MELK: variants seen among roughly 807,000 people sequenced by gnomAD.
MELK encodes the protein maternal embryonic leucine zipper kinase.
MELK carries 81 observed loss-of-function variants against 85.0 expected under a neutral mutation model. The observed-to-expected ratio is 0.95, with a 90% confidence interval of 0.80 to 1.15. The LOEUF (loss-of-function observed/expected upper bound fraction) is 1.15, where lower values mean the gene tolerates loss of function less well. Among genes scored for constraint, MELK ranks in the 50% most tolerant of loss-of-function variants. The pLI, the probability that MELK is intolerant of heterozygous loss-of-function variation, is 0.00. For missense variants in MELK, 754 were observed against 777.5 expected, an observed-to-expected ratio of 0.97 and a Z score of 0.36; for synonymous variants, 252 against 265.0, an observed-to-expected ratio of 0.95 and a Z score of 0.48.
In MELK at chr9:36,660,376, G is replaced by GGA. The variant is rs1282585398; in HGVS notation, c.1176+3014_1176+3015insAG. On this transcript the variant is annotated intron_variant, in intron 13 of 17. Transcript: ENST00000298048. ...TCCGTCAACCAGGCTGGAGTCCAGTGGTGTGATCATGGCTCACTGCAGCCT... is the reference window on the plus strand; with the variant it reads ...TCCGTCAACCAGGCTGGAGTCCAGTGGAGTGTGATCATGGCTCACTGCAGCCT... Among the ~76,000 whole-genome samples, 381 of 151,862 alleles carry GGA rather than the reference G, an allele frequency of 2.5e-3. 1 individual carries two copies. The highest frequency in any genetic ancestry group is 8.5e-3 in the African/African-American group (353 of 41,436).
intron 13 of MELK, among the ~76,000 whole-genome samples, chr9:36,663,523 C>T (rs1444263052): frequency 1.3e-5 from 2 of 152,150 alleles, no homozygotes; most frequent in Non-Finnish European, 2.9e-5. Context: ...ATCACCAACC[C>T]CCTTCCATCT....
Position 36,596,580 on chromosome 9 carries a change from TG to T in MELK, c.406-641del, listed in dbSNP as rs1564138817. Among the ~76,000 whole-genome samples, 510 of 103,386 alleles carry T rather than the reference TG, an allele frequency of 4.9e-3. 55 individuals carry two copies. Among genetic ancestry groups the T allele is most frequent in the African/African-American group, 0.031 (473 of 15,478 alleles). 67.8% of individuals were successfully genotyped at this position (103,386 alleles called of 152,430 possible). ...CCCTTTTTGTTTTTTTTGTTTTTTT[TG>T]TTTTTTTTGTTTTTTTTTTTTTGAG... On this transcript the variant is annotated intron_variant, in intron 5 of 17. Coordinates refer to ENST00000298048, the MANE Select transcript of MELK (RefSeq NM_014791.4).
intron 6 of MELK, 63 bp from the exon 7 acceptor site, chr9:36,599,331 T>A: frequency 9.3e-7 from 1 of 1,071,626 alleles, no homozygotes; most frequent in Non-Finnish European, 1.3e-6. Context: ...AAAAGAATGT[T>A]TATCAAGGTT....
chr9:36,661,165 G>C (rs886724245), intron 13 of MELK, among the ~76,000 whole-genome samples: 2 of 152,140 alleles, frequency 1.3e-5, no homozygotes, highest in African/African-American at 4.8e-5. Context: ...CGTGATTGTG[G>C]GCTGTGGGTT....
chr9:36,583,265 G>T (rs1041741016), intron 2 of MELK, among the ~76,000 whole-genome samples: 6 of 152,044 alleles, frequency 3.9e-5, no homozygotes, highest in Non-Finnish European at 7.4e-5. Context: ...GAGCCACCGC[G>T]CCCGGCCTCA....
At chr9:36,607,203 G>A (rs1449079667) in intron 7 of MELK, among the ~76,000 whole-genome samples, 1 of 152,184 alleles carries the variant, frequency 6.6e-6, no homozygotes, top group Non-Finnish European at 1.5e-5. Context: ...CCTCATGCCT[G>A]TTTACATAAT....
At chr9:36,663,940 A>T (rs1431193541) in intron 13 of MELK, among the ~76,000 whole-genome samples, 1 of 152,200 alleles carries the variant, frequency 6.6e-6, no homozygotes, top group East Asian at 1.9e-4. Flanking sequence ...TGTCCATACT[A>T]TGTATATCTG....
At chr9:36,590,250 C>T (rs1045435626) in intron 4 of MELK, among the ~76,000 whole-genome samples, 1 of 152,032 alleles carries the variant, frequency 6.6e-6, no homozygotes, top group Admixed American at 6.6e-5. Context: ...ATATTAATTT[C>T]CTAGGGCTGT....
chr9:36,575,064 C>T (rs547034584), intron 1 of MELK, among the ~76,000 whole-genome samples: 29 of 152,228 alleles, frequency 1.9e-4, no homozygotes, highest in African/African-American at 5.1e-4. Context: ...ACTCAGAGGG[C>T]GGAGGTTGCA....
rs1233223619 is a variant in MELK at position 36,665,406 on chromosome 9, C to T, written c.1233C>T (p.Ala411=). The change falls in exon 14 of 18, where the codon GCC becomes GCT. Residue 411 remains alanine, a synonymous_variant. Coordinates refer to ENST00000298048, the MANE Select transcript of MELK (RefSeq NM_014791.4). ...TGGAATCTAAATCATTAACTCCAGC[C>T]TTATGCAGAACACCTGCAAATAAAT... The part of the protein sequence containing the change: ...NGVESKSLTP[A]LCRTPANKLK... 6.2e-7 allele frequency: 1 copy of T among 1,613,376 alleles called. No homozygotes were observed. The highest frequency in any genetic ancestry group is 8.5e-7 in the Non-Finnish European group (1 of 1,179,698).
intron 8 of MELK, among the ~76,000 whole-genome samples, chr9:36,620,199 A>G (rs1702219773): frequency 6.6e-6 from 1 of 152,220 alleles, no homozygotes; most frequent in Non-Finnish European, 1.5e-5. Flanking sequence ...TGTAGTTGCT[A>G]GTCACCTAAG....
At chr9:36,643,854 A>G (rs956376050) in intron 11 of MELK, among the ~76,000 whole-genome samples, 4 of 151,794 alleles carry the variant, frequency 2.6e-5, no homozygotes, top group Non-Finnish European at 4.4e-5. Context: ...GAATGGTGTG[A>G]ACCTGGGAGG....
intron 11 of MELK, among the ~76,000 whole-genome samples, chr9:36,650,466 A>G (rs898548629): frequency 6.6e-6 from 1 of 152,218 alleles, no homozygotes; most frequent in Non-Finnish European, 1.5e-5. Context: ...AGGCTGGAGA[A>G]TCAAAACCTA....
chr9:36,671,125 A>C lies in MELK; in HGVS notation c.1633A>C (p.Lys545Gln). The C allele has an allele frequency of 6.2e-7, 1 of 1,610,660 alleles. No homozygotes were observed. The highest frequency in any genetic ancestry group is 8.5e-7 in the Non-Finnish European group (1 of 1,178,308). Residue 545 changes from lysine to glutamine, a missense_variant, in exon 16 of 18, where the codon AAA becomes CAA. Physicochemically the swap from Lys to Gln is moderately conservative, Grantham distance 53. Coordinates refer to ENST00000298048, the MANE Select transcript of MELK (RefSeq NM_014791.4). ...DKVITVLTRSKRKGSARDGPR... is the reference protein window; with the variant it reads ...DKVITVLTRSQRKGSARDGPR... Reference sequence around the variant, plus strand: ...GGTTATCACTGTGCTCACCAGGAGCAAAAGGAAGGGTTCTGCCAGAGACGG... The same window carrying C: ...GGTTATCACTGTGCTCACCAGGAGCCAAAGGAAGGGTTCTGCCAGAGACGG...
rs112671908 is a variant in MELK, at chr9:36,577,492, G to A, written c.-38-4152G>A. On this transcript the variant is annotated intron_variant, in intron 1 of 17. Transcript: ENST00000298048. ...GATCGCACTACTGCACTGCAGCCTG[G>A]GCACCAGAGCAAGACTCCATCTCAA... Among the ~76,000 whole-genome samples, 1,097 of 151,984 alleles carry A rather than the reference G, an allele frequency of 7.2e-3. 16 individuals are homozygous for A. Among genetic ancestry groups the A allele is most frequent in the African/African-American group, 0.026 (1,063 of 41,480 alleles).
At chr9:36,588,362 G>A (rs1823166361) in intron 3 of MELK, among the ~76,000 whole-genome samples, 1 of 147,480 alleles carries the variant, frequency 6.8e-6, no homozygotes, top group Non-Finnish European at 1.5e-5. Context: ...GAGCCACCGC[G>A]CCTGGCCCAG....
intron 8 of MELK, among the ~76,000 whole-genome samples, chr9:36,608,728 T>C (rs1156679998): frequency 1.3e-5 from 2 of 152,040 alleles, no homozygotes; most frequent in Non-Finnish European, 2.9e-5. Context: ...ATTACAGGCA[T>C]GTGCCACCAC....
intron 6 of MELK, among the ~76,000 whole-genome samples, chr9:36,598,963 G>T (rs1824603748): frequency 6.6e-6 from 1 of 152,068 alleles, no homozygotes; most frequent in African/African-American, 2.4e-5. Context: ...TATTATGTGG[G>T]GTGGTTTTTC....
In MELK at chr9:36,594,712, A is replaced by T; in HGVS notation, c.346A>T (p.Ile116Leu). The change falls in exon 5 of 18, where the codon ATA (isoleucine) becomes TTA (leucine). Residue 116 changes from isoleucine to leucine, a missense_variant. Transcript: ENST00000298048. ...EEETRVVFRQ[I>L]VSAVAYVHSQ... is the part of the protein sequence containing the mutation. ...GGAGACCCGGGTTGTCTTCCGTCAG[A>T]TAGTATCTGCTGTTGCTTATGTGCA... The T allele has an allele frequency of 1.2e-6, 2 of 1,614,090 alleles. No individual in the cohort carries two copies. The highest frequency in any genetic ancestry group is 1.7e-6 in the Non-Finnish European group (2 of 1,180,028).
Sources: allele counts gnomAD v4.1 joint callset (sites outside exome capture counted in the v4.1 genomes callset), GRCh38; gene constraint gnomAD v4.1.1; transcripts MANE v1.5; gene names NCBI Gene and HGNC (gene_info 2026-07-23, HGNC 2026-07-21).